RAB44: variants seen among roughly 807,000 people sequenced by gnomAD.
RAB44 encodes RAB44, member RAS oncogene family.
A neutral mutation model predicts 93.3 loss-of-function variants in RAB44; 67 were observed. That is an observed-to-expected ratio of 0.72 (90% CI 0.59 to 0.88). RAB44 has a LOEUF of 0.88. Among genes scored for constraint, RAB44 ranks in the 40% least tolerant of loss-of-function variants. The probability of loss-of-function intolerance (pLI) is 0.00; values close to 1 mark genes in which losing one functional copy is unlikely to be tolerated. For missense variants in RAB44, 1,064 were observed against 1,261.7 expected (o/e 0.84, Z 2.37); for synonymous variants, 427 against 520.3 (o/e 0.82, Z 2.44).
chr6:36,729,914 G>T (rs1485068792), intron 12 of RAB44, among the ~76,000 whole-genome samples: 1 of 152,106 alleles, frequency 6.6e-6, no homozygotes, highest in Non-Finnish European at 1.5e-5. Context: ...ACGTACAATC[G>T]AACAGGTTTA....
At chr6:36,718,179 G>T in intron 6 of RAB44, 61 bp downstream of exon 6, 1 of 1,127,810 alleles carries the variant, frequency 8.9e-7, no homozygotes, top group South Asian at 4.6e-5. Context: ...GCTGGCTAAG[G>T]AATGGGGCCA....
At chr6:36,699,739 C>A (rs1762468429) in intron 1 of RAB44, among the ~76,000 whole-genome samples, 3 of 152,220 alleles carry the variant, frequency 2.0e-5, no homozygotes, top group Non-Finnish European at 4.4e-5. Context: ...CCTCTTGGAA[C>A]CTCCCTCAGT....
Position 36,704,257 on chromosome 6 carries a change from T to C in RAB44, c.22T>C (p.Ser8Pro). ...CACCATGGAGACTGGACAGAGAACA[T>C]CTCGAAAAGTCCGGAAGCTGGGCTC... METGQRT[S>P]RKVRKLGSNR... The change falls in exon 2 of 14, where the codon TCT (serine) becomes CCT (proline). Residue 8 changes from serine (S) to proline (P), a missense_variant. Physicochemically the swap from Ser to Pro is moderately conservative, Grantham distance 74. Transcript: ENST00000612677. 1 of 1,535,974 alleles carries C rather than the reference T, an allele frequency of 6.5e-7. No individual in the cohort carries two copies. The highest frequency in any genetic ancestry group is 8.7e-7 in the Non-Finnish European group (1 of 1,146,870).
intron 3 of RAB44, among the ~76,000 whole-genome samples, 186 bp from the exon 4 acceptor site, chr6:36,715,293 T>TAC (rs1762887589): frequency 6.6e-6 from 1 of 152,100 alleles, no homozygotes; most frequent in Non-Finnish European, 1.5e-5. Flanking sequence ...CAGGTACTCA[T>TAC]CTGTAAAATG....
At chr6:36,713,187 A>G (rs1762829486) in intron 2 of RAB44, among the ~76,000 whole-genome samples, 1 of 152,108 alleles carries the variant, frequency 6.6e-6, no homozygotes, top group Admixed American at 6.5e-5. Context: ...GATTTAACTC[A>G]TTGACTTTTT....
chr6:36,717,504 C>T lies in RAB44; in HGVS notation c.641+85C>T. 8.2e-7 allele frequency: 1 copy of T among 1,216,538 alleles called. No homozygotes were observed. Among genetic ancestry groups the T allele is most frequent in the Admixed American group, 4.2e-5 (1 of 23,698 alleles). The allele number at this position is 1,216,538 out of a possible 1,614,324, so 75.4% of individuals were successfully genotyped here. A position where few individuals can be genotyped will look rare whatever the true frequency, so the allele number is the denominator to read the frequency against. On this transcript the variant is annotated intron_variant, in intron 5 of 13. Coordinates refer to ENST00000612677, the MANE Select transcript of RAB44 (RefSeq NM_001257357.2). The surrounding 1 kb of genome is among the most constrained non-coding windows in gnomAD (Gnocchi z 4.1). ...GAATCTGGTTGAATTTCCCCAGCTC[C>T]TCCTGCAGCTGGGCCTGTGAGCTGG...
intron 3 of RAB44, among the ~76,000 whole-genome samples, chr6:36,714,906 C>T (rs1194542154): frequency 6.6e-6 from 1 of 152,164 alleles, no homozygotes; most frequent in Admixed American, 6.5e-5. Context: ...CCTCAGGGCC[C>T]CTGCAGTGCT....
intron 9 of RAB44, among the ~76,000 whole-genome samples, chr6:36,725,158 T>C (rs1391549500): frequency 6.6e-6 from 1 of 152,146 alleles, no homozygotes; most frequent in Non-Finnish European, 1.5e-5. Flanking sequence ...GCATGCTCTC[T>C]GGGTCACTTA....
chr6:36,722,812 C>T (rs1300580284), intron 9 of RAB44, 79 bp downstream of exon 9: 1 of 1,499,954 alleles, frequency 6.7e-7, no homozygotes, highest in Non-Finnish European at 9.0e-7. Flanking sequence ...GGGCCCAGAC[C>T]AAGCCCTCCC....
At chr6:36,713,341 G>A (rs1762832894) in intron 2 of RAB44, among the ~76,000 whole-genome samples, 1 of 152,122 alleles carries the variant, frequency 6.6e-6, no homozygotes, top group African/African-American at 2.4e-5. Flanking sequence ...GACTACAGTC[G>A]CTTGCCACCA....
rs1208483919 is a variant in RAB44 at position 36,717,387 on chromosome 6, G to A, written c.609G>A (p.Ala203=). ...KMTSRLQEAQ[A]DKEALELTLR... ...CCAGCCGCCTGCAGGAGGCCCAGGC[G>A]GACAAGGAGGCCCTGGAGCTGACCC... Residue 203 remains alanine, a synonymous_variant, in exon 5 of 14, where the codon GCG becomes GCA. Coordinates refer to ENST00000612677, the MANE Select transcript of RAB44 (RefSeq NM_001257357.2). This position sits in a 1 kb window ranked among gnomAD's most constrained non-coding sequence, Gnocchi z 4.1. 33 of 1,232,232 alleles carry A rather than the reference G, an allele frequency of 2.7e-5. No homozygotes were observed. In the East Asian group the frequency reaches 6.6e-4, roughly 25 times the overall value. The allele number at this position is 1,232,232 out of a possible 1,614,324, so 76.3% of individuals were successfully genotyped here.
Position 36,718,069 on chromosome 6 carries a change from A to G in RAB44, c.683A>G (p.Glu228Gly). ...CACCGCGAGGTCCAGCAGCTCTATG[A>G]GGAGATGGAGCAGCAGATCCGCCAG... The part of the protein sequence containing the change: ...DHHREVQQLY[E>G]EMEQQIRQEK... Residue 228 changes from glutamate to glycine, a missense_variant, in exon 6 of 14, where the codon GAG (glutamate) becomes GGG (glycine). Transcript: ENST00000612677. The G allele has an allele frequency of 8.1e-7, 1 of 1,232,030 alleles. No individual in the cohort carries two copies. Among genetic ancestry groups the G allele is most frequent in the Non-Finnish European group, 1.0e-6 (1 of 987,970 alleles). The allele number at this position is 1,232,030 out of a possible 1,614,324, so 76.3% of individuals were successfully genotyped here.
rs1762975669 is a variant in RAB44, at chr6:36,718,187, C to A, written c.732+69C>A. 7 of 1,064,778 alleles carry A rather than the reference C, an allele frequency of 6.6e-6. No homozygotes were observed. The East Asian group carries it at 1.3e-4, about 20-fold the overall frequency. The allele number at this position is 1,064,778 out of a possible 1,614,324, so 66.0% of individuals were successfully genotyped here. A position where few individuals can be genotyped will look rare whatever the true frequency, so the allele number is the denominator to read the frequency against. On this transcript the variant is annotated intron_variant, in intron 6 of 13. Coordinates refer to ENST00000612677, the MANE Select transcript of RAB44 (RefSeq NM_001257357.2). ...CACCTCTGCTGGCTAAGGAATGGGG[C>A]CAGTGACTGGCCAGGGTGGGGAACA...
intron 7 of RAB44, among the ~76,000 whole-genome samples, chr6:36,719,163 T>G (rs1763007592): frequency 6.6e-6 from 1 of 152,144 alleles, no homozygotes; most frequent in African/African-American, 2.4e-5. Context: ...CCCCATTATC[T>G]CTTCCTTTCT....
In RAB44 at chr6:36,722,502, C is replaced by T. The variant is rs138921643; in HGVS notation, c.2368C>T (p.Pro790Ser). Residue 790 changes from proline to serine, a missense_variant, in exon 9 of 14, where the codon CCT becomes TCT. Physicochemically the swap from Pro to Ser is moderately conservative, Grantham distance 74 (BLOSUM62 -1). Coordinates refer to ENST00000612677, the MANE Select transcript of RAB44 (RefSeq NM_001257357.2). ...TGCTCACGCAGAAGAACAAGGCCCG[C>T]CTCACTCCAGGGAACCAAGGGCAGA... ...TTAHAEEQGPPHSREPRAESR... is the reference protein window; with the variant it reads ...TTAHAEEQGPSHSREPRAESR... 1,480 of 1,498,752 alleles carry T rather than the reference C, an allele frequency of 9.9e-4. 13 individuals carry two copies. In the African/African-American group the frequency reaches 0.012, roughly 13 times the overall value. 92.8% of individuals were successfully genotyped at this position (1,498,752 alleles called of 1,614,324 possible).
At chr6:36,713,394 C>T (rs867428249) in intron 2 of RAB44, among the ~76,000 whole-genome samples, 3 of 152,224 alleles carry the variant, frequency 2.0e-5, no homozygotes, top group South Asian at 4.1e-4. Context: ...CGGGGTTTCA[C>T]TATGTTGTCC....
At chr6:36,699,824 TTTATCAATATCA>T (rs1762470381) in intron 1 of RAB44, among the ~76,000 whole-genome samples, 1 of 152,250 alleles carries the variant, frequency 6.6e-6, no homozygotes. Context: ...AGAATTCACC[TTTATCAATATCA>T]TCACCACTGT....
intron 12 of RAB44, among the ~76,000 whole-genome samples, chr6:36,729,112 G>A (rs1440550480): frequency 6.6e-6 from 1 of 152,192 alleles, no homozygotes; most frequent in Non-Finnish European, 1.5e-5. Context: ...AATAGCTTCA[G>A]AGTAAAAAGG....
Position 36,722,462 on chromosome 6 carries a change from G to A in RAB44, c.2328G>A (p.Arg776=). 6.9e-7 allele frequency: 1 copy of A among 1,448,092 alleles called. No homozygotes were observed. The highest frequency in any genetic ancestry group is 9.1e-7 in the Non-Finnish European group (1 of 1,103,168). 89.7% of individuals were successfully genotyped at this position (1,448,092 alleles called of 1,614,324 possible). A position where few individuals can be genotyped will look rare whatever the true frequency, so the allele number is the denominator to read the frequency against. ...PTMAEQEAQP[R]PSLTTAHAEE... is the part of the protein sequence containing the mutation. Reference sequence around the variant, plus strand: ...TGGCTGAGCAGGAAGCCCAACCCAGGCCATCCCTCACGACTGCTCACGCAG... The same window carrying A: ...TGGCTGAGCAGGAAGCCCAACCCAGACCATCCCTCACGACTGCTCACGCAG... The change falls in exon 9 of 14, where the codon AGG becomes AGA. Residue 776 remains arginine (R), a synonymous_variant. Coordinates refer to ENST00000612677, the MANE Select transcript of RAB44 (RefSeq NM_001257357.2).
Sources: allele counts gnomAD v4.1 joint callset (sites outside exome capture counted in the v4.1 genomes callset), GRCh38; gene constraint gnomAD v4.1.1; non-coding constraint Gnocchi (gnomAD v3.1); transcripts MANE v1.5; gene names NCBI Gene and HGNC (gene_info 2026-07-23, HGNC 2026-07-21).